TYW1B: variants seen among roughly 807,000 people sequenced by gnomAD.
TYW1B encodes S-adenosyl-L-methionine-dependent tRNA 4-demethylwyosine synthase TYW1B.
Under a neutral mutation model 86.9 loss-of-function variants are expected in TYW1B, and 73 were observed. The observed-to-expected ratio is 0.84, with a 90% CI of 0.70 to 1.02. The LOEUF (loss-of-function observed/expected upper bound fraction) is 1.02, where lower values mean the gene tolerates loss of function less well. Among genes scored for constraint, TYW1B ranks in the 50% least tolerant of loss-of-function variants. The pLI is 0.00. For missense variants in TYW1B, 637 were observed against 827.4 expected, an observed-to-expected ratio of 0.77 and a Z score of 2.82; for synonymous variants, 248 against 292.8, an observed-to-expected ratio of 0.85 and a Z score of 1.56.
At chr7:72,819,691 C>G (rs149488737) in intron 2 of TYW1B, among the ~76,000 whole-genome samples, 5,329 of 152,266 alleles carry the variant, frequency 0.035, 204 homozygotes, top group East Asian at 0.082. Context: ...CCTTGGCCTC[C>G]CAAAGTGCTG....
At chr7:72,608,531 C>T (rs149762261) in intron 13 of TYW1B, among the ~76,000 whole-genome samples, 66 of 152,028 alleles carry the variant, frequency 4.3e-4, no homozygotes, top group Non-Finnish European at 7.6e-4. Flanking sequence ...AAAGTCTATA[C>T]GAAGAGATGC....
intron 12 of TYW1B, among the ~76,000 whole-genome samples, chr7:72,628,057 C>T (rs1226423184): frequency 6.6e-6 from 1 of 152,056 alleles, no homozygotes; most frequent in East Asian, 1.9e-4. Context: ...TCTGAGAGGC[C>T]GAGGCAGGAG....
At chr7:72,593,294 A>AAAAAAAG (rs1442559995) in intron 13 of TYW1B, among the ~76,000 whole-genome samples, 4 of 73,668 alleles carry the variant, frequency 5.4e-5, no homozygotes, top group Non-Finnish European at 9.3e-5. Flanking sequence ...ACTCCATCTC[A>AAAAAAAG]AAAAAAGAAA....
chr7:72,734,541 T>C (rs1177251735), intron 8 of TYW1B, among the ~76,000 whole-genome samples: 1 of 152,128 alleles, frequency 6.6e-6, no homozygotes, highest in Non-Finnish European at 1.5e-5. Flanking sequence ...AGGACATTGG[T>C]CTGGGCAATG....
chr7:72,800,207 T>G (rs1788380828), intron 6 of TYW1B, among the ~76,000 whole-genome samples: 1 of 152,078 alleles, frequency 6.6e-6, no homozygotes, highest in African/African-American at 2.4e-5. Context: ...CATCTTTTTT[T>G]TTTTTTTTGA....
intron 13 of TYW1B, among the ~76,000 whole-genome samples, chr7:72,593,548 C>T (rs1585832482): frequency 6.6e-6 from 1 of 151,988 alleles, no homozygotes; most frequent in Non-Finnish European, 1.5e-5. Flanking sequence ...CGAGGCCAGG[C>T]GTGGTTGCTC....
intron 3 of TYW1B, among the ~76,000 whole-genome samples, chr7:72,810,956 G>C (rs1269242866): frequency 1.3e-5 from 2 of 151,922 alleles, no homozygotes; most frequent in African/African-American, 2.4e-5. Flanking sequence ...TGCCACAGTG[G>C]AAACAAAATC....
chr7:72,686,731 G>C (rs1373392699), intron 11 of TYW1B, among the ~76,000 whole-genome samples: 11 of 152,228 alleles, frequency 7.2e-5, no homozygotes, highest in African/African-American at 2.2e-4. Flanking sequence ...GATCCGTGTA[G>C]GTTCATCAGT....
intron 7 of TYW1B, among the ~76,000 whole-genome samples, chr7:72,773,408 T>C (rs1431990298): frequency 2.0e-5 from 3 of 152,112 alleles, no homozygotes; most frequent in Non-Finnish European, 4.4e-5. Flanking sequence ...GGTGATCCCA[T>C]AGAGATAGGA....
At chr7:72,686,370 C>T (rs1283421606) in intron 11 of TYW1B, among the ~76,000 whole-genome samples, 1 of 152,134 alleles carries the variant, frequency 6.6e-6, no homozygotes, top group Non-Finnish European at 1.5e-5. Flanking sequence ...TATTGTTTAG[C>T]TCTAAAAAGA....
chr7:72,821,426 C>T (rs1214701549), intron 2 of TYW1B, among the ~76,000 whole-genome samples: 4 of 152,244 alleles, frequency 2.6e-5, no homozygotes, highest in African/African-American at 4.8e-5. Context: ...TGTTATTAAC[C>T]TTTGTAGGCA....
intron 13 of TYW1B, among the ~76,000 whole-genome samples, chr7:72,600,523 C>T (rs1811640116): frequency 6.6e-6 from 1 of 152,084 alleles, no homozygotes. Context: ...AAATTGAAAA[C>T]ATTTGCTCTG....
chr7:72,802,413 A>C lies in TYW1B; in HGVS notation c.833T>G (p.Val278Gly), dbSNP rs1788417101. Residue 278 changes from valine to glycine, a missense_variant, in exon 6 of 14, where the codon GTG becomes GGG. By Grantham distance (109) the Val-to-Gly change is moderately radical. Transcript: ENST00000620995. ...AAGTAATGGTACCTTTTCTTTCTTC[A>C]CGTGATCCATAATTTTGCCCAAATC... ...VEDLGKIMDH[V>G]KKEKREKEQQ... 2.5e-6 allele frequency: 4 copies of C among 1,613,880 alleles called. No homozygotes were observed. The East Asian group carries it at 8.9e-5, about 36-fold the overall frequency.
intron 7 of TYW1B, among the ~76,000 whole-genome samples, chr7:72,765,886 T>C (rs1460271877): frequency 6.6e-6 from 1 of 152,152 alleles, no homozygotes; most frequent in Non-Finnish European, 1.5e-5. Context: ...GAAGAAAAAG[T>C]TGCTATTTTC....
Position 72,676,217 on chromosome 7 carries a change from T to C in TYW1B, c.1506+18470A>G, listed in dbSNP as rs144248319. On this transcript the variant is annotated intron_variant, in intron 11 of 13. Coordinates refer to ENST00000620995, the MANE Select transcript of TYW1B (RefSeq NM_001145440.3). ...AAAATATACCATGAAGCCAAACAGC[T>C]CTGTGACCTTCAATTTCCTCGTCTG... 6.0e-3 allele frequency among the ~76,000 whole-genome samples: 920 copies of C among 152,220 alleles called. 12 individuals carry two copies. Among genetic ancestry groups the C allele is most frequent in the African/African-American group, 0.021 (873 of 41,534 alleles).
Position 72,826,963 on chromosome 7 carries a change from G to A in TYW1B, c.27C>T (p.Asp9=), listed in dbSNP as rs782059393. The A allele has an allele frequency of 1.9e-6, 3 of 1,611,584 alleles. No homozygotes were observed. The highest frequency in any genetic ancestry group is 2.2e-5 in the South Asian group (2 of 90,572). ...ATAATGATATTAAAGGTGAGGAGAG[G>A]TCCCATGTATCCGCAGAAGGATCTA... MDPSADTW[D]LSSPLISLWI... The change falls in exon 2 of 14, where the codon GAC becomes GAT. Residue 9 remains aspartate, a synonymous_variant. Coordinates refer to ENST00000620995, the MANE Select transcript of TYW1B (RefSeq NM_001145440.3).
intron 6 of TYW1B, among the ~76,000 whole-genome samples, chr7:72,780,436 C>T (rs1788031956): frequency 6.6e-6 from 1 of 152,160 alleles, no homozygotes. Context: ...AAAGCCTTGT[C>T]ACCACAAAAC....
At chr7:72,617,919 T>A (rs778522950) in intron 12 of TYW1B, among the ~76,000 whole-genome samples, 1 of 152,202 alleles carries the variant, frequency 6.6e-6, no homozygotes, top group Non-Finnish European at 1.5e-5. Context: ...GTTCTTTATT[T>A]GGTAAATTAC....
At chr7:72,763,612 C>T (rs1194367735) in intron 7 of TYW1B, among the ~76,000 whole-genome samples, 1 of 152,094 alleles carries the variant, frequency 6.6e-6, no homozygotes, top group African/African-American at 2.4e-5. Context: ...ATGTGAATTT[C>T]CATATTGCTT....
Sources: gnomAD v4.1 joint callset for allele counts (sites outside exome capture counted in the v4.1 genomes callset) on GRCh38, gnomAD v4.1.1 for gene constraint, MANE v1.5 for transcripts, NCBI Gene and HGNC (gene_info 2026-07-23, HGNC 2026-07-21) for gene names.